The following PSD3 variants were observed in gnomAD, a reference collection of about 807,000 sequenced individuals.
PSD3 encodes the protein pleckstrin and Sec7 domain containing 3.
A neutral mutation model predicts 105.5 loss-of-function variants in PSD3; 49 were observed. That is an observed-to-expected ratio of 0.46 (90% CI 0.37 to 0.59). PSD3 has a LOEUF of 0.59. PSD3 is among the 20% of genes least tolerant of loss of function. The probability of loss-of-function intolerance (pLI) is 0.00; values close to 1 mark genes in which losing one functional copy is unlikely to be tolerated. For missense variants in PSD3, 1,561 were observed against 1,263.8 expected, an observed-to-expected ratio of 1.24 and a Z score of -3.57; for synonymous variants, 557 against 457.8, an observed-to-expected ratio of 1.22 and a Z score of -2.77.
Position 18,799,365 on chromosome 8 carries a change from T to C in PSD3, c.2024-12A>G, listed in dbSNP as rs13265599. ...GCAATGGACTCCATCTAAAGAAAGA[T>C]ACAAGAAAAAAAAGCATGAATTCGC... is the stretch of plus-strand genomic sequence containing the variant. On this transcript the variant is annotated splice_polypyrimidine_tract_variant and intron_variant, in intron 7 of 15. Transcript: ENST00000327040. The C allele has an allele frequency of 0.01, 16,279 of 1,573,768 alleles. 104 individuals carry two copies. Among genetic ancestry groups the C allele is most frequent in the Non-Finnish European group, 0.012 (13,790 of 1,157,478 alleles).
At chr8:18,612,501 T>A (rs186053322) in intron 11 of PSD3, among the ~76,000 whole-genome samples, 2 of 152,106 alleles carry the variant, frequency 1.3e-5, no homozygotes, top group African/African-American at 4.8e-5. Context: ...GCTTCCCCAA[T>A]AGCTGGGACT....
At chr8:18,944,740 T>C (rs752409203) in intron 1 of PSD3, among the ~76,000 whole-genome samples, 21 of 152,206 alleles carry the variant, frequency 1.4e-4, no homozygotes, top group Non-Finnish European at 2.4e-4. Flanking sequence ...ATTTTATTTA[T>C]TTTTATCAGA....
intron 9 of PSD3, among the ~76,000 whole-genome samples, chr8:18,682,413 G>T (rs114855449): frequency 5.3e-5 from 8 of 152,254 alleles, no homozygotes; most frequent in African/African-American, 1.9e-4. Flanking sequence ...AACCATTCTG[G>T]TCTATTTCAG....
At chr8:18,773,929 G>T (rs335228) in intron 8 of PSD3, among the ~76,000 whole-genome samples, 1 of 152,292 alleles carries the variant, frequency 6.6e-6, no homozygotes, top group South Asian at 2.1e-4. Flanking sequence ...TCAGTATTTT[G>T]TAGTTTCACT....
chr8:18,940,259 G>C (rs1001185048), intron 1 of PSD3: 1 of 152,090 alleles, frequency 6.6e-6, no homozygotes, highest in Admixed American at 6.6e-5. Context: ...AATGGTCTTC[G>C]TACTCTGTTG....
chr8:18,815,843 C>A (rs374686118), intron 4 of PSD3, among the ~76,000 whole-genome samples: 2 of 152,186 alleles, frequency 1.3e-5, no homozygotes, highest in Non-Finnish European at 2.9e-5. Flanking sequence ...CCTCTCTACA[C>A]TGAGTTTCCC....
chr8:18,692,028 T>C (rs2130997006), intron 9 of PSD3, among the ~76,000 whole-genome samples: 1 of 152,362 alleles, frequency 6.6e-6, no homozygotes, highest in Admixed American at 6.5e-5. Context: ...GGGTCACTTA[T>C]GAATTTCTAT....
chr8:18,556,265 CCTT>C lies in PSD3; in HGVS notation c.2869_2871del (p.Lys957del). On this transcript the variant is annotated inframe_deletion, in exon 15 of 16. Transcript: ENST00000327040. ...TACTCATCGACGTCCTTGGCTTTGA[CCTT>C]CTTGTCGGGGGGATATGAGCGGTGC... 1 of 1,614,124 alleles carries C rather than the reference CCTT, an allele frequency of 6.2e-7. No individual in the cohort carries two copies. The highest frequency in any genetic ancestry group is 8.5e-7 in the Non-Finnish European group (1 of 1,180,006).
intron 8 of PSD3, among the ~76,000 whole-genome samples, chr8:18,795,893 A>G (rs904126996): frequency 2.0e-5 from 3 of 152,252 alleles, no homozygotes; most frequent in African/African-American, 7.2e-5. Flanking sequence ...ACAATATTCA[A>G]TAAAACTTAG....
intron 1 of PSD3, among the ~76,000 whole-genome samples, chr8:18,996,885 T>C (rs1826105421): frequency 6.6e-6 from 1 of 151,946 alleles, no homozygotes; most frequent in African/African-American, 2.4e-5. Flanking sequence ...CATTGCTAAA[T>C]CCCTGGGTCA....
intron 1 of PSD3, among the ~76,000 whole-genome samples, chr8:18,959,203 G>A (rs60813598): frequency 2.0e-5 from 3 of 151,960 alleles, no homozygotes; most frequent in African/African-American, 7.3e-5. Context: ...TTACGGGCGT[G>A]AGCCACCACG....
At chr8:18,706,302 T>C (rs1801894800) in intron 9 of PSD3, among the ~76,000 whole-genome samples, 1 of 152,248 alleles carries the variant, frequency 6.6e-6, no homozygotes, top group Admixed American at 6.5e-5. Context: ...CAATGCAATA[T>C]TGTGCTGTAA....
At chr8:18,556,499 T>G in intron 14 of PSD3, 147 bp from the exon 15 acceptor site, 1 of 810,162 alleles carries the variant, frequency 1.2e-6, no homozygotes, top group East Asian at 2.6e-5. Context: ...CCTTCCAGCT[T>G]TCTCACGCCC....
chr8:18,640,321 C>A (rs1357705680), intron 10 of PSD3, among the ~76,000 whole-genome samples: 2 of 152,128 alleles, frequency 1.3e-5, no homozygotes, highest in Admixed American at 1.3e-4. Context: ...AAACCCTCCA[C>A]AACAACAAAA....
intron 11 of PSD3, among the ~76,000 whole-genome samples, chr8:18,619,765 A>T (rs998135505): frequency 6.6e-6 from 1 of 152,180 alleles, no homozygotes. Flanking sequence ...TTACTCCCCA[A>T]CCTGACTCTG....
intron 4 of PSD3, among the ~76,000 whole-genome samples, chr8:18,811,157 T>C (rs955600956): frequency 1.3e-5 from 2 of 152,224 alleles, no homozygotes; most frequent in African/African-American, 4.8e-5. Context: ...TGTGCCAGCC[T>C]CTGGGCTTCT....
intron 1 of PSD3, among the ~76,000 whole-genome samples, chr8:18,955,282 C>A (rs897631202): frequency 6.6e-6 from 1 of 152,104 alleles, no homozygotes; most frequent in South Asian, 2.1e-4. Flanking sequence ...ACTCTGTCAC[C>A]CAGGCTGGAA....
intron 15 of PSD3, among the ~76,000 whole-genome samples, chr8:18,540,630 G>A (rs778901180): frequency 2.6e-5 from 4 of 152,036 alleles, no homozygotes; most frequent in African/African-American, 7.2e-5. Flanking sequence ...AGTCTGGACC[G>A]AGCTCATCAC....
chr8:18,668,475 C>G (rs1799607257), intron 9 of PSD3, among the ~76,000 whole-genome samples: 1 of 152,224 alleles, frequency 6.6e-6, no homozygotes, highest in African/African-American at 2.4e-5. Flanking sequence ...TTCACTTGAT[C>G]TCACTGAACT....
Sources: gnomAD v4.1 joint callset for allele counts (sites outside exome capture counted in the v4.1 genomes callset) on GRCh38, gnomAD v4.1.1 for gene constraint, MANE v1.5 for transcripts, NCBI Gene and HGNC (gene_info 2026-07-23, HGNC 2026-07-21) for gene names.